Variants in CFAP299 observed in about 807,000 individuals in gnomAD.
CFAP299 encodes cilia and flagella associated protein 299.
Under a neutral mutation model 27.0 loss-of-function variants are expected in CFAP299, and 21 were observed. The ratio of observed to expected loss-of-function variants is 0.78; its 90% confidence interval spans 0.55 to 1.12. The LOEUF (loss-of-function observed/expected upper bound fraction) is 1.12, where lower values mean the gene tolerates loss of function less well. Ranked by LOEUF, CFAP299 falls within the 50% of genes most tolerant of loss-of-function variation. The probability of loss-of-function intolerance (pLI) is 0.00; values close to 1 mark genes in which losing one functional copy is unlikely to be tolerated. For synonymous variants in CFAP299, 104 were observed against 98.1 expected (o/e 1.06, Z -0.36); for missense variants, 310 against 276.6 (o/e 1.12, Z -0.86).
intron 2 of CFAP299, among the ~76,000 whole-genome samples, chr4:80,577,678 G>A (rs1376301343): frequency 2.0e-5 from 3 of 152,054 alleles, no homozygotes; most frequent in African/African-American, 7.2e-5. Flanking sequence ...TGGGATTACA[G>A]GCATGAGCCA....
rs976379492 is a variant in CFAP299 at position 80,944,903 on chromosome 4, C to A, written c.570C>A (p.Tyr190Ter). 1 of 1,612,734 alleles carries A rather than the reference C, an allele frequency of 6.2e-7. No homozygotes were observed. The highest frequency in any genetic ancestry group is 1.3e-5 in the African/African-American group (1 of 74,984). The change falls in exon 5 of 6, where the codon TAC (tyrosine) becomes TAA (stop). Residue 190 changes from tyrosine to a stop codon, truncating the protein, a stop_gained. Transcript: ENST00000358105. LOFTEE classifies it high-confidence loss of function. Reference protein sequence around the residue: ...ADNPEGLLFRYKRDRKILNVD... With the variant: ...ADNPEGLLFR Reference sequence around the variant, plus strand: ...ATCCAGAAGGCTTACTTTTCAGATACAAAAGAGACAGAAAAATTCTTAATG... The same window carrying A: ...ATCCAGAAGGCTTACTTTTCAGATAAAAAAGAGACAGAAAAATTCTTAATG...
rs530787640 is a variant in CFAP299, at chr4:80,494,980, T to A, written c.243-88113T>A. Among the ~76,000 whole-genome samples, 22 of 152,294 alleles carry A rather than the reference T, an allele frequency of 1.4e-4. 1 individual carries two copies. The East Asian group carries it at 3.7e-3, about 25-fold the overall frequency. The stretch of plus-strand genomic sequence containing the variant: ...TATGGTAATGAAGGGTCTTGAAGAG[T>A]CTTAATTCCAGTATCTGAATTTAAT... On this transcript the variant is annotated intron_variant, in intron 2 of 5. Coordinates refer to ENST00000358105, the MANE Select transcript of CFAP299 (RefSeq NM_152770.3).
At chr4:80,511,372 G>A (rs1578535655) in intron 2 of CFAP299, among the ~76,000 whole-genome samples, 1 of 152,208 alleles carries the variant, frequency 6.6e-6, no homozygotes, top group East Asian at 1.9e-4. Context: ...TTATTTTTTA[G>A]TACAATCCAG....
chr4:80,685,760 C>A (rs1043729518), intron 3 of CFAP299, among the ~76,000 whole-genome samples: 1 of 152,104 alleles, frequency 6.6e-6, no homozygotes, highest in African/African-American at 2.4e-5. Flanking sequence ...TTGCAGAAAA[C>A]TGTCATAATG....
intron 2 of CFAP299, among the ~76,000 whole-genome samples, chr4:80,461,849 C>T (rs1414393355): frequency 6.6e-6 from 1 of 152,088 alleles, no homozygotes; most frequent in African/African-American, 2.4e-5. Flanking sequence ...GATTTGCATC[C>T]TATATCACAG....
chr4:80,567,920 T>G (rs1248625837), intron 2 of CFAP299, among the ~76,000 whole-genome samples: 1 of 151,820 alleles, frequency 6.6e-6, no homozygotes, highest in East Asian at 1.9e-4. Context: ...ACAATGTATA[T>G]TTGAATCAAT....
chr4:80,406,531 A>G (rs1726430642), intron 2 of CFAP299, among the ~76,000 whole-genome samples: 1 of 152,008 alleles, frequency 6.6e-6, no homozygotes, highest in Admixed American at 6.6e-5. Flanking sequence ...CACCCAGCTC[A>G]TTTTGTTTAC....
chr4:80,427,446 C>T (rs1727579609), intron 2 of CFAP299, among the ~76,000 whole-genome samples: 1 of 152,064 alleles, frequency 6.6e-6, no homozygotes, highest in South Asian at 2.1e-4. Flanking sequence ...AAAGTAGTAA[C>T]AAATCTTTAA....
intron 5 of CFAP299, among the ~76,000 whole-genome samples, chr4:80,959,266 A>C (rs998492540): frequency 6.6e-6 from 1 of 152,128 alleles, no homozygotes; most frequent in African/African-American, 2.4e-5. Context: ...ATAACACTAA[A>C]ACATAATTGC....
At chr4:80,730,248 C>CTCTCTCTCTCTG (rs1553953972) in intron 3 of CFAP299, among the ~76,000 whole-genome samples, 1 of 130,802 alleles carries the variant, frequency 7.6e-6, no homozygotes, top group African/African-American at 3.1e-5. Context: ...CTCTCTCTCT[C>CTCTCTCTCTCTG]TGTGTGTGTG....
intron 5 of CFAP299, among the ~76,000 whole-genome samples, chr4:80,959,832 A>G (rs999614893): frequency 1.3e-5 from 2 of 151,988 alleles, no homozygotes; most frequent in African/African-American, 4.8e-5. Flanking sequence ...GAAAAAAATA[A>G]TAGAGGACAT....
chr4:80,562,649 C>G (rs1184193413), intron 2 of CFAP299, among the ~76,000 whole-genome samples: 1 of 139,440 alleles, frequency 7.2e-6, no homozygotes, highest in Non-Finnish European at 1.5e-5. Context: ...TACAGCGAGA[C>G]TCAATTTCAA....
chr4:80,785,026 G>A (rs1246958578), intron 3 of CFAP299, among the ~76,000 whole-genome samples: 6 of 151,506 alleles, frequency 4.0e-5, no homozygotes, highest in Admixed American at 4.0e-4. Context: ...TGTTTTCTTT[G>A]CTGTGCAGAA....
At chr4:80,653,234 C>A (rs924763796) in intron 3 of CFAP299, among the ~76,000 whole-genome samples, 8 of 152,132 alleles carry the variant, frequency 5.3e-5, no homozygotes, top group African/African-American at 1.7e-4. Context: ...AACGGCAGAT[C>A]TACTGTCTGA....
intron 2 of CFAP299, among the ~76,000 whole-genome samples, chr4:80,449,660 GAATA>G (rs1190969533): frequency 6.6e-5 from 10 of 151,476 alleles, no homozygotes; most frequent in African/African-American, 2.2e-4. Flanking sequence ...GAATTATAAT[GAATA>G]ATTTATTAAT....
intron 3 of CFAP299, among the ~76,000 whole-genome samples, chr4:80,585,214 C>T (rs565817774): frequency 1.1e-4 from 17 of 152,116 alleles, no homozygotes; most frequent in South Asian, 6.2e-4. Context: ...AGAGGGTAGT[C>T]TTTGGAGATA....
chr4:80,779,374 T>C (rs1045026529), intron 3 of CFAP299, among the ~76,000 whole-genome samples: 19 of 152,082 alleles, frequency 1.2e-4, no homozygotes, highest in African/African-American at 4.3e-4. Context: ...TGACTTCAGG[T>C]CATAGCCTGT....
chr4:80,890,788 G>T (rs2110185897), intron 4 of CFAP299, among the ~76,000 whole-genome samples: 1 of 149,432 alleles, frequency 6.7e-6, no homozygotes, highest in African/African-American at 2.5e-5. Context: ...TAGTGGTTTT[G>T]ATTTGCATTT....
At chr4:80,937,434 A>G (rs1249832975) in intron 4 of CFAP299, among the ~76,000 whole-genome samples, 2 of 146,428 alleles carry the variant, frequency 1.4e-5, no homozygotes, top group Non-Finnish European at 3.0e-5. Flanking sequence ...CTCCCACCTT[A>G]ACCTCCTGAG....
Sources: allele counts gnomAD v4.1 joint callset (sites outside exome capture counted in the v4.1 genomes callset), GRCh38; gene constraint gnomAD v4.1.1; transcripts MANE v1.5; gene names NCBI Gene and HGNC (gene_info 2026-07-23, HGNC 2026-07-21).